MAST4: variants seen among roughly 807,000 people sequenced by gnomAD.
MAST4 encodes microtubule-associated serine/threonine-protein kinase 4.
In MAST4, 89 loss-of-function variants were observed where a neutral mutation model predicts 162.7. The ratio of observed to expected loss-of-function variants is 0.55; its 90% CI spans 0.46 to 0.65. MAST4 has a LOEUF of 0.65. MAST4 is among the 30% of genes least tolerant of loss of function. The probability of loss-of-function intolerance (pLI) is 0.00; values close to 1 mark genes in which losing one functional copy is unlikely to be tolerated. For missense variants in MAST4, 3,153 were observed against 3,374.0 expected, an observed-to-expected ratio of 0.93 and a Z score of 1.62; for synonymous variants, 1,479 against 1,361.1, an observed-to-expected ratio of 1.09 and a Z score of -1.91.
intron 3 of MAST4, among the ~76,000 whole-genome samples, chr5:66,896,168 G>A (rs1762670425): frequency 6.6e-6 from 1 of 151,900 alleles, no homozygotes; most frequent in Non-Finnish European, 1.5e-5. Context: ...TTTTTTCACA[G>A]CCTTGACAGC....
intron 1 of MAST4, among the ~76,000 whole-genome samples, chr5:66,651,039 G>T (rs1203866497): frequency 6.6e-6 from 1 of 152,154 alleles, no homozygotes. Flanking sequence ...AATTACTGCT[G>T]TTACATACTT....
intron 1 of MAST4, among the ~76,000 whole-genome samples, chr5:66,720,651 G>T (rs1490125901): frequency 6.6e-6 from 1 of 152,008 alleles, no homozygotes; most frequent in Non-Finnish European, 1.5e-5. Flanking sequence ...TCTTTTCAAA[G>T]AACCAGCTGT....
chr5:66,879,412 A>C (rs1003289336), intron 3 of MAST4, among the ~76,000 whole-genome samples: 1 of 152,110 alleles, frequency 6.6e-6, no homozygotes, highest in Non-Finnish European at 1.5e-5. Flanking sequence ...GTTGGCAAAA[A>C]TCTAAACCTG....
chr5:67,047,105 C>T (rs1757472279), intron 4 of MAST4, among the ~76,000 whole-genome samples: 2 of 152,208 alleles, frequency 1.3e-5, no homozygotes, highest in Non-Finnish European at 2.9e-5. Context: ...TTTGTATAAA[C>T]TAATTTTTAC....
At chr5:66,973,114 T>G (rs567927215) in intron 4 of MAST4, among the ~76,000 whole-genome samples, 1 of 152,294 alleles carries the variant, frequency 6.6e-6, no homozygotes, top group Non-Finnish European at 1.5e-5. Flanking sequence ...CTGGACCATT[T>G]GAGAGTAATT....
At chr5:66,967,100 T>C (rs1218905743) in intron 4 of MAST4, among the ~76,000 whole-genome samples, 2 of 152,220 alleles carry the variant, frequency 1.3e-5, no homozygotes, top group Non-Finnish European at 2.9e-5. Context: ...ACAGATTTTG[T>C]TTTCCTACCA....
intron 4 of MAST4, among the ~76,000 whole-genome samples, chr5:67,019,043 T>C (rs1478814671): frequency 6.6e-6 from 1 of 151,950 alleles, no homozygotes; most frequent in Non-Finnish European, 1.5e-5. Context: ...TACCACAAAG[T>C]AGATGTTTTA....
intron 28 of MAST4, 62 bp downstream of exon 28, chr5:67,162,850 C>CA (rs1773359197): frequency 1.3e-6 from 2 of 1,490,746 alleles, no homozygotes; most frequent in Non-Finnish European, 1.8e-6. Context: ...GTGAGGTCCC[C>CA]AAAAAACATG....
intron 1 of MAST4, among the ~76,000 whole-genome samples, chr5:66,688,918 A>G (rs999381194): frequency 3.3e-5 from 5 of 152,162 alleles, no homozygotes; most frequent in Non-Finnish European, 7.4e-5. Flanking sequence ...GAAGAGGAAC[A>G]TTATGTGAAA....
rs1773388375 is a variant in MAST4, at chr5:67,163,016, A to AT, written c.3968-129dup. ...GGAGAGGTTTATCTGAAAAGTGTTT[A>AT]TTCCACTAGCTAAATGCTGAGACAA... On this transcript the variant is annotated intron_variant, in intron 28 of 28. Coordinates refer to ENST00000403625, the MANE Select transcript of MAST4 (RefSeq NM_001164664.2). The surrounding 1 kb of genome is among the most constrained non-coding windows in gnomAD (Gnocchi z 7.0). 3.9e-5 allele frequency: 45 copies of AT among 1,150,826 alleles called. No homozygotes were observed. The South Asian group carries it at 6.7e-4, about 17-fold the overall frequency. 71.3% of individuals were successfully genotyped at this position (1,150,826 alleles called of 1,614,324 possible).
chr5:67,063,765 T>C (rs1333567103), intron 5 of MAST4, among the ~76,000 whole-genome samples: 1 of 152,176 alleles, frequency 6.6e-6, no homozygotes, highest in Non-Finnish European at 1.5e-5. Flanking sequence ...GGACTTTGTT[T>C]AGCTAGGGTT....
intron 1 of MAST4, among the ~76,000 whole-genome samples, chr5:66,658,183 G>A (rs574275433): frequency 6.6e-6 from 1 of 152,254 alleles, no homozygotes; most frequent in South Asian, 2.1e-4. Flanking sequence ...TTGAATACAG[G>A]CTATATTTTT....
chr5:66,988,147 T>A (rs2150267322), intron 4 of MAST4, among the ~76,000 whole-genome samples: 1 of 152,298 alleles, frequency 6.6e-6, no homozygotes, highest in South Asian at 2.1e-4. Flanking sequence ...ATTGTATACT[T>A]CAGCCACTAG....
chr5:67,149,555 C>T lies in MAST4; in HGVS notation c.3261C>T (p.Leu1087=), dbSNP rs1179556222. ...TCTCGGGGAAAGTCACAAAGTCCCTCTCTGCCAGTGCTCTTTCCCTCATGA... is the reference window on the plus strand; with the variant it reads ...TCTCGGGGAAAGTCACAAAGTCCCTTTCTGCCAGTGCTCTTTCCCTCATGA... ...KKISGKVTKS[L]SASALSLMIP... Residue 1087 remains leucine (L), a synonymous_variant, in exon 24 of 29, where the codon CTC becomes CTT. Coordinates refer to ENST00000403625, the MANE Select transcript of MAST4 (RefSeq NM_001164664.2). The T allele has an allele frequency of 6.2e-7, 1 of 1,613,714 alleles. No homozygotes were observed. Among genetic ancestry groups the T allele is most frequent in the African/African-American group, 1.3e-5 (1 of 74,926 alleles).
At chr5:66,791,321 G>A (rs571341609) in intron 3 of MAST4, among the ~76,000 whole-genome samples, 46 of 152,336 alleles carry the variant, frequency 3.0e-4, no homozygotes, top group African/African-American at 1.1e-3. Context: ...ACCATGTCCA[G>A]CCATTCTTAA....
chr5:67,049,047 A>G (rs1407744715), intron 4 of MAST4, among the ~76,000 whole-genome samples: 11 of 112,830 alleles, frequency 9.7e-5, no homozygotes, highest in South Asian at 2.7e-4. Context: ...ATATACGTGT[A>G]TATATATATA....
intron 7 of MAST4, among the ~76,000 whole-genome samples, chr5:67,097,137 G>A (rs916630993): frequency 6.6e-6 from 1 of 152,000 alleles, no homozygotes; most frequent in Admixed American, 6.6e-5. Context: ...AAATAGGGGT[G>A]AGTTCAGGAT....
chr5:66,669,772 A>C (rs1237933114), intron 1 of MAST4, among the ~76,000 whole-genome samples: 1 of 152,096 alleles, frequency 6.6e-6, no homozygotes, highest in African/African-American at 2.4e-5. Context: ...GAGAGTGAGA[A>C]GTACAGTGAG....
intron 3 of MAST4, among the ~76,000 whole-genome samples, chr5:66,872,291 T>A (rs942529139): frequency 2.6e-5 from 4 of 152,150 alleles, no homozygotes; most frequent in Non-Finnish European, 5.9e-5. Context: ...TGTCTCAGCC[T>A]CCCAAGTAGC....
Sources: allele counts gnomAD v4.1 joint callset (sites outside exome capture counted in the v4.1 genomes callset), GRCh38; gene constraint gnomAD v4.1.1; non-coding constraint Gnocchi (gnomAD v3.1); transcripts MANE v1.5; gene names NCBI Gene and HGNC (gene_info 2026-07-23, HGNC 2026-07-21).